CYB5R4: variants seen among roughly 807,000 people sequenced by gnomAD.
CYB5R4 encodes the protein N-terminal cytochrome b5 and cytochrome b5 oxidoreductase domain-containing protein.
A neutral mutation model predicts 70.2 loss-of-function variants in CYB5R4; 55 were observed. That is an observed-to-expected ratio of 0.78 (90% confidence interval 0.63 to 0.98). The LOEUF (loss-of-function observed/expected upper bound fraction) is 0.98, where lower values mean the gene tolerates loss of function less well. CYB5R4 is among the 50% of genes least tolerant of loss of function. The probability of loss-of-function intolerance (pLI) is 0.00; values close to 1 mark genes in which losing one functional copy is unlikely to be tolerated. For synonymous variants in CYB5R4, 197 were observed against 199.5 expected (o/e 0.99, Z 0.11); for missense variants, 562 against 612.6 (o/e 0.92, Z 0.87).
intron 7 of CYB5R4, 69 bp downstream of exon 7, chr6:83,919,523 T>A (rs2099466031): frequency 1.3e-6 from 1 of 785,810 alleles, no homozygotes. Context: ...GGTCTTTTTC[T>A]AAACACTTTT....
intron 3 of CYB5R4, among the ~76,000 whole-genome samples, chr6:83,898,110 G>T (rs899781286): frequency 3.3e-5 from 5 of 152,166 alleles, no homozygotes; most frequent in Non-Finnish European, 7.3e-5. Flanking sequence ...AAACATTTAA[G>T]TCTTTAATCC....
rs536580183 is a variant in CYB5R4 at position 83,946,010 on chromosome 6, A to C, written c.1346+5409A>C. Among the ~76,000 whole-genome samples the C allele has an allele frequency of 2.0e-5, 3 of 152,352 alleles. No individual in the cohort carries two copies. In the South Asian group the frequency reaches 6.2e-4, roughly 32 times the overall value. On this transcript the variant is annotated intron_variant, in intron 14 of 15. Coordinates refer to ENST00000369681, the MANE Select transcript of CYB5R4 (RefSeq NM_016230.4). ...ACCAGAGATACAAAGAGGAGCTGGT[A>C]CCATTCCTTCTGAAACTATTCCAAA...
At chr6:83,941,006 A>G (rs748023716) in intron 14 of CYB5R4, among the ~76,000 whole-genome samples, 1 of 152,190 alleles carries the variant, frequency 6.6e-6, no homozygotes, top group Non-Finnish European at 1.5e-5. Context: ...AAAGCCTTTA[A>G]TATGTTAGTA....
rs2099455997 is a variant in CYB5R4, at chr6:83,861,910, TTTTG to T, written c.75+2059_75+2062del. On this transcript the variant is annotated intron_variant, in intron 1 of 15. Coordinates refer to ENST00000369681, the MANE Select transcript of CYB5R4 (RefSeq NM_016230.4). ...GTGACCAGAAATATGCTGCAGGAAA[TTTTG>T]TTTGTCAATTAACCCACGGTAAAAT... is the stretch of plus-strand genomic sequence containing the variant. Among the ~76,000 whole-genome samples, 3 of 152,182 alleles carry T rather than the reference TTTTG, an allele frequency of 2.0e-5. No homozygotes were observed. In the South Asian group the frequency reaches 6.2e-4, roughly 31 times the overall value.
chr6:83,914,365 A>G (rs1200167808), intron 4 of CYB5R4, 51 bp from the exon 5 acceptor site: 2 of 1,487,846 alleles, frequency 1.3e-6, no homozygotes, highest in South Asian at 1.2e-5. Context: ...TGACATTCTC[A>G]TTGACATTAA....
chr6:83,880,175 A>G (rs2099459232), intron 2 of CYB5R4, among the ~76,000 whole-genome samples: 1 of 152,208 alleles, frequency 6.6e-6, no homozygotes, highest in African/African-American at 2.4e-5. Context: ...ACATGTATAC[A>G]TTGTGTAATG....
At chr6:83,914,599 A>C (rs2099465199) in intron 5 of CYB5R4, 151 bp downstream of exon 5, 1 of 621,206 alleles carries the variant, frequency 1.6e-6, no homozygotes, top group Non-Finnish European at 2.4e-6. Context: ...GTGCAGTGGC[A>C]CCATCTCAGC....
intron 3 of CYB5R4, among the ~76,000 whole-genome samples, chr6:83,907,084 G>A (rs1357609743): frequency 6.6e-6 from 1 of 152,028 alleles, no homozygotes; most frequent in Non-Finnish European, 1.5e-5. Flanking sequence ...AGATTTTTAA[G>A]TCCTTTTTTT....
intron 7 of CYB5R4, among the ~76,000 whole-genome samples, chr6:83,919,787 TG>T (rs2099466079): frequency 6.6e-6 from 1 of 150,722 alleles, no homozygotes; most frequent in African/African-American, 2.4e-5. Context: ...TGTGTGTGTG[TG>T]TGTGTGTGTG....
rs2099468735 is a variant in CYB5R4 at position 83,935,149 on chromosome 6, G to T, written c.955+414G>T. 2.0e-5 allele frequency among the ~76,000 whole-genome samples: 3 copies of T among 152,116 alleles called. No homozygotes were observed. The South Asian group carries it at 6.2e-4, about 32-fold the overall frequency. ...AAAATTTAAAATAAGTGAATGATTG[G>T]AAATGATTTTATTATATGTGCTACC... On this transcript the variant is annotated intron_variant, in intron 11 of 15. Transcript: ENST00000369681.
intron 10 of CYB5R4, among the ~76,000 whole-genome samples, chr6:83,932,919 G>A (rs1017175799): frequency 2.6e-5 from 4 of 152,238 alleles, no homozygotes; most frequent in South Asian, 2.1e-4. Flanking sequence ...TAAGAATCCC[G>A]AATTTGAACC....
At position 83,948,617 on chromosome 6, in the gene CYB5R4, TAAA is replaced by T. The variant is rs386703321; in HGVS notation, c.1347-6679_1347-6677del. Among the ~76,000 whole-genome samples the T allele has an allele frequency of 2.6e-3, 403 of 152,352 alleles. 1 individual carries two copies. Among genetic ancestry groups the T allele is most frequent in the African/African-American group, 9.2e-3 (382 of 41,580 alleles). The stretch of plus-strand genomic sequence containing the variant: ...GGTATTCTTTTAGATAGTTACCTTA[TAAA>T]AGCAATTTTGTAAAATTTTATTTTT... On this transcript the variant is annotated intron_variant, in intron 14 of 15. Coordinates refer to ENST00000369681, the MANE Select transcript of CYB5R4 (RefSeq NM_016230.4).
In CYB5R4 at chr6:83,924,408, T is replaced by TA. The variant is rs2099466943; in HGVS notation, c.692-62_692-61insA. On this transcript the variant is annotated intron_variant, in intron 9 of 15. Transcript: ENST00000369681. ...ACTTGTACTATTTGAGAAATACTGG[T>TA]TTTAAAATAAAATCTTGTATTTAGT... 6 of 1,545,142 alleles carry TA rather than the reference T, an allele frequency of 3.9e-6. No individual in the cohort carries two copies. In the African/African-American group the frequency reaches 6.9e-5, roughly 18 times the overall value.
intron 14 of CYB5R4, among the ~76,000 whole-genome samples, chr6:83,948,863 C>G (rs995047411): frequency 5.9e-5 from 9 of 151,860 alleles, no homozygotes; most frequent in South Asian, 2.1e-4. Flanking sequence ...ATGCCTGGCT[C>G]TAACAGCACT....
intron 1 of CYB5R4, 144 bp from the exon 2 acceptor site, chr6:83,864,031 A>G (rs187114295): frequency 2.8e-6 from 2 of 725,436 alleles, no homozygotes; most frequent in East Asian, 6.0e-5. Flanking sequence ...ACCTTTTATA[A>G]TTCAAATACA....
intron 3 of CYB5R4, among the ~76,000 whole-genome samples, chr6:83,902,267 T>C (rs2099463097): frequency 6.6e-6 from 1 of 152,224 alleles, no homozygotes; most frequent in Admixed American, 6.5e-5. Flanking sequence ...CACCATTTAT[T>C]GAAGAAGGTG....
intron 14 of CYB5R4, among the ~76,000 whole-genome samples, chr6:83,953,104 G>A (rs916196513): frequency 6.6e-6 from 1 of 152,048 alleles, no homozygotes; most frequent in Non-Finnish European, 1.5e-5. Flanking sequence ...AAATGTTAAT[G>A]TGTTCCCCGG....
At chr6:83,941,524 C>G (rs962889128) in intron 14 of CYB5R4, among the ~76,000 whole-genome samples, 6 of 152,058 alleles carry the variant, frequency 3.9e-5, no homozygotes, top group Admixed American at 2.6e-4. Context: ...GAGTAAAGCC[C>G]TTAGAACTTT....
intron 14 of CYB5R4, among the ~76,000 whole-genome samples, chr6:83,944,353 A>G (rs1417897864): frequency 6.6e-5 from 10 of 152,230 alleles, no homozygotes; most frequent in Non-Finnish European, 1.3e-4. Flanking sequence ...TAAGCAAAGG[A>G]GAAATAAAAT....
Sources: gnomAD v4.1 joint callset for allele counts (sites outside exome capture counted in the v4.1 genomes callset) on GRCh38, gnomAD v4.1.1 for gene constraint, MANE v1.5 for transcripts, NCBI Gene and HGNC (gene_info 2026-07-23, HGNC 2026-07-21) for gene names.